LRP1B: variants seen among roughly 807,000 people sequenced by gnomAD.
LRP1B encodes low-density lipoprotein receptor-related protein 1B.
A neutral mutation model predicts 556.6 loss-of-function variants in LRP1B; 217 were observed. That is an observed-to-expected ratio of 0.39 (90% CI 0.35 to 0.44). LRP1B has a LOEUF of 0.44. Ranked by LOEUF, LRP1B falls within the 20% of genes least tolerant of loss-of-function variation. The pLI is 1.00. For synonymous variants in LRP1B, 2,047 were observed against 1,865.8 expected, an observed-to-expected ratio of 1.10 and a Z score of -2.50; for missense variants, 5,053 against 5,620.8, an observed-to-expected ratio of 0.90 and a Z score of 3.23.
intron 2 of LRP1B, among the ~76,000 whole-genome samples, chr2:141,751,242 A>G (rs1399043539): frequency 6.6e-6 from 1 of 152,140 alleles, no homozygotes; most frequent in Non-Finnish European, 1.5e-5. Flanking sequence ...TGGTGAATGT[A>G]TTACACAGTT....
intron 3 of LRP1B, among the ~76,000 whole-genome samples, chr2:141,315,495 G>T (rs1352780974): frequency 6.6e-6 from 1 of 151,738 alleles, no homozygotes; most frequent in Non-Finnish European, 1.5e-5. Flanking sequence ...TCCTGACCTC[G>T]TGATCCACCT....
intron 43 of LRP1B, among the ~76,000 whole-genome samples, chr2:140,552,224 A>T (rs982672551): frequency 3.3e-5 from 5 of 152,134 alleles, no homozygotes; most frequent in African/African-American, 1.2e-4. Flanking sequence ...AGACTAATGA[A>T]ATAGACCATC....
intron 41 of LRP1B, among the ~76,000 whole-genome samples, chr2:140,610,043 GGTTT>G (rs1249884532): frequency 7.1e-6 from 1 of 140,406 alleles, no homozygotes; most frequent in Non-Finnish European, 1.6e-5. Context: ...TAAAAACTCA[GGTTT>G]GTTTTTTTTT....
intron 2 of LRP1B, among the ~76,000 whole-genome samples, chr2:141,545,040 T>C (rs529874153): frequency 6.6e-6 from 1 of 152,300 alleles, no homozygotes; most frequent in East Asian, 1.9e-4. Flanking sequence ...ATGAGGTTTG[T>C]ACTAGTATCC....
At chr2:141,996,257 G>T (rs917381159) in intron 1 of LRP1B, among the ~76,000 whole-genome samples, 73 of 150,856 alleles carry the variant, frequency 4.8e-4, no homozygotes, top group African/African-American at 1.7e-3. Flanking sequence ...CTTTAAAATA[G>T]CTTTATTACC....
intron 48 of LRP1B, 22 bp downstream of exon 48, chr2:140,526,215 A>G: frequency 6.3e-7 from 1 of 1,598,454 alleles, no homozygotes; most frequent in Non-Finnish European, 8.6e-7. Flanking sequence ...ATAAACAGAC[A>G]AAAGGTAGTG....
intron 35 of LRP1B, among the ~76,000 whole-genome samples, chr2:140,724,360 A>G (rs886073159): frequency 6.6e-6 from 1 of 152,180 alleles, no homozygotes; most frequent in Non-Finnish European, 1.5e-5. Context: ...ACCTCAAATT[A>G]GATATACAGA....
rs556518317 is a variant in LRP1B, at chr2:141,359,435, A to G, written c.344-104794T>C. Among the ~76,000 whole-genome samples, 68 of 152,300 alleles carry G rather than the reference A, an allele frequency of 4.5e-4. 1 individual carries two copies. The highest frequency in any genetic ancestry group is 4.4e-5 in the Non-Finnish European group (3 of 68,002). The stretch of plus-strand genomic sequence containing the variant: ...CTATGCACAAAATAAATGACTTACG[A>G]GGAAAAGCGTCAAATTAAGTTTAAT... On this transcript the variant is annotated intron_variant, in intron 3 of 90. Transcript: ENST00000389484.
intron 35 of LRP1B, among the ~76,000 whole-genome samples, chr2:140,721,582 C>T (rs1375981767): frequency 9.1e-6 from 1 of 110,276 alleles, no homozygotes; most frequent in Non-Finnish European, 1.7e-5. Flanking sequence ...GAGTTTCACT[C>T]TGTCGCCCAG....
At position 140,233,078 on chromosome 2, in the gene LRP1B, TAAAG is replaced by T. The variant is rs373222564; in HGVS notation, c.*104_*107del. 7.1e-4 allele frequency: 468 copies of T among 661,712 alleles called. No individual in the cohort carries two copies. The highest frequency in any genetic ancestry group is 6.7e-3 in the African/African-American group (354 of 52,892). 41.0% of individuals were successfully genotyped at this position (661,712 alleles called of 1,614,324 possible). ...AGAAAACAATTAACCAGGAAAAAGA[TAAAG>T]AAAGAGGTAATGCTGATGCCAAAAC... On this transcript the variant is annotated 3_prime_UTR_variant, in exon 91 of 91. Transcript: ENST00000389484.
chr2:140,405,669 A>G (rs1321374622), intron 66 of LRP1B, among the ~76,000 whole-genome samples: 1 of 152,196 alleles, frequency 6.6e-6, no homozygotes. Flanking sequence ...GAAACCCTGA[A>G]CAGACCAATA....
intron 35 of LRP1B, among the ~76,000 whole-genome samples, chr2:140,744,008 A>G (rs1401792354): frequency 1.4e-5 from 2 of 147,526 alleles, no homozygotes; most frequent in Non-Finnish European, 3.0e-5. Flanking sequence ...AGTAAAATCC[A>G]TAGACATAGA....
rs1226188096 is a variant in LRP1B at position 140,483,597 on chromosome 2, GAC to G, written c.9425+1744_9425+1745del. Among the ~76,000 whole-genome samples, 669 of 118,358 alleles carry G rather than the reference GAC, an allele frequency of 5.7e-3. 7 individuals are homozygous for G. Among genetic ancestry groups the G allele is most frequent in the African/African-American group, 0.019 (564 of 29,836 alleles). The allele number at this position is 118,358 out of a possible 152,430, so 77.6% of individuals were successfully genotyped here. On this transcript the variant is annotated intron_variant, in intron 59 of 90. Coordinates refer to ENST00000389484, the MANE Select transcript of LRP1B (RefSeq NM_018557.3). ...ATATATGTACACACACATATATATA[GAC>G]ACACACACACACACACATATATATA... is the stretch of plus-strand genomic sequence containing the variant.
chr2:141,730,922 C>G (rs765735114), intron 2 of LRP1B, among the ~76,000 whole-genome samples: 1 of 152,112 alleles, frequency 6.6e-6, no homozygotes, highest in African/African-American at 2.4e-5. Context: ...TGTAAATACT[C>G]CTAAAGGGGC....
intron 41 of LRP1B, among the ~76,000 whole-genome samples, chr2:140,623,782 A>T (rs968712704): frequency 6.6e-6 from 1 of 151,714 alleles, no homozygotes; most frequent in Non-Finnish European, 1.5e-5. Context: ...AGCTGGGTGC[A>T]GTGGTATGTG....
intron 7 of LRP1B, among the ~76,000 whole-genome samples, chr2:141,104,413 G>T (rs1002421198): frequency 2.6e-5 from 4 of 152,134 alleles, no homozygotes; most frequent in Admixed American, 2.0e-4. Context: ...ACTAAGAATC[G>T]TGACTGGTGG....
chr2:141,000,348 C>T lies in LRP1B; in HGVS notation c.2503+4987G>A, dbSNP rs562012019. 1.1e-4 allele frequency among the ~76,000 whole-genome samples: 17 copies of T among 152,008 alleles called. No homozygotes were observed. The South Asian group carries it at 1.5e-3, about 13-fold the overall frequency. On this transcript the variant is annotated intron_variant, in intron 15 of 90. Transcript: ENST00000389484. ...AAAGGACAAGCTTGATCAAAAGGTA[C>T]GATGTAACTATGAGGTGTAATAGTC...
chr2:141,104,775 T>C (rs975262403), intron 7 of LRP1B, among the ~76,000 whole-genome samples: 1 of 152,058 alleles, frequency 6.6e-6, no homozygotes, highest in South Asian at 2.1e-4. Flanking sequence ...AGAATGGTAC[T>C]CCAGATTTGA....
At chr2:141,815,855 T>C (rs1183927201) in intron 1 of LRP1B, among the ~76,000 whole-genome samples, 2 of 152,120 alleles carry the variant, frequency 1.3e-5, no homozygotes, top group Admixed American at 6.6e-5. Context: ...TTAAGGTCCG[T>C]AGCTTCATGC....
Sources: allele counts gnomAD v4.1 joint callset (sites outside exome capture counted in the v4.1 genomes callset), GRCh38; gene constraint gnomAD v4.1.1; transcripts MANE v1.5; gene names NCBI Gene and HGNC (gene_info 2026-07-23, HGNC 2026-07-21).